The following GRIN2A variants were observed in gnomAD, a reference collection of about 807,000 sequenced individuals.
GRIN2A encodes the protein glutamate ionotropic receptor NMDA type subunit 2A, also known as glutamate receptor ionotropic, NMDA 2A.
GRIN2A carries 22 observed loss-of-function variants against 113.4 expected under a neutral mutation model. The observed-to-expected ratio is 0.19, with a 90% CI of 0.14 to 0.28. The LOEUF (loss-of-function observed/expected upper bound fraction) is 0.28. Ranked by LOEUF, GRIN2A falls within the 10% of genes least tolerant of loss-of-function variation. The pLI is 1.00. For missense variants in GRIN2A, 1,502 were observed against 1,887.0 expected (o/e 0.80, Z 3.78); for synonymous variants, 827 against 738.4 (o/e 1.12, Z -1.94).
intron 10 of GRIN2A, among the ~76,000 whole-genome samples, chr16:9,810,997 C>T (rs1237965789): frequency 6.6e-6 from 1 of 152,126 alleles, no homozygotes; most frequent in East Asian, 1.9e-4. Flanking sequence ...TGAGTGAGCC[C>T]AGTGCCAGGA....
chr16:10,115,457 A>T (rs1168321376), intron 2 of GRIN2A, among the ~76,000 whole-genome samples: 1 of 152,110 alleles, frequency 6.6e-6, no homozygotes, highest in African/African-American at 2.4e-5. Flanking sequence ...GATGCCAGAA[A>T]CCTATCTGGA....
intron 2 of GRIN2A, among the ~76,000 whole-genome samples, chr16:10,140,010 C>A (rs922325651): frequency 6.6e-6 from 1 of 152,088 alleles, no homozygotes; most frequent in Non-Finnish European, 1.5e-5. Flanking sequence ...GAATCTATAG[C>A]CCTGCTGAAC....
At chr16:9,988,661 AC>A (rs1182075397) in intron 2 of GRIN2A, among the ~76,000 whole-genome samples, 4 of 152,178 alleles carry the variant, frequency 2.6e-5, no homozygotes, top group African/African-American at 9.7e-5. Flanking sequence ...TATCATCTTC[AC>A]AACAACCCTC....
intron 10 of GRIN2A, among the ~76,000 whole-genome samples, chr16:9,799,309 C>T (rs914338628): frequency 6.6e-6 from 1 of 152,162 alleles, no homozygotes; most frequent in Non-Finnish European, 1.5e-5. Flanking sequence ...GACATGCACA[C>T]AGGGAGAACG....
chr16:9,807,487 C>T (rs1247849623), intron 10 of GRIN2A, among the ~76,000 whole-genome samples: 1 of 151,834 alleles, frequency 6.6e-6, no homozygotes, highest in African/African-American at 2.4e-5. Context: ...GATGAATGTA[C>T]CCACTTTGTC....
At chr16:9,994,909 G>C (rs1357457807) in intron 2 of GRIN2A, among the ~76,000 whole-genome samples, 2 of 152,142 alleles carry the variant, frequency 1.3e-5, no homozygotes, top group Non-Finnish European at 2.9e-5. Flanking sequence ...ATTTCATCTG[G>C]TTTTAAGGGT....
intron 2 of GRIN2A, among the ~76,000 whole-genome samples, chr16:10,118,844 C>T (rs186207283): frequency 2.6e-4 from 40 of 152,286 alleles, no homozygotes; most frequent in Admixed American, 6.5e-4. Flanking sequence ...TCTACTTGAT[C>T]GGAAATCATC....
At chr16:9,983,760 C>T (rs531225189) in intron 2 of GRIN2A, among the ~76,000 whole-genome samples, 1 of 152,246 alleles carries the variant, frequency 6.6e-6, no homozygotes, top group East Asian at 1.9e-4. Flanking sequence ...ATTTTAATGG[C>T]TGAATAGTAT....
At chr16:10,058,241 T>A (rs2047488428) in intron 2 of GRIN2A, among the ~76,000 whole-genome samples, 1 of 150,366 alleles carries the variant, frequency 6.7e-6, no homozygotes, top group Non-Finnish European at 1.5e-5. Flanking sequence ...TGAAAAGAGC[T>A]AGACACTGTC....
intron 2 of GRIN2A, among the ~76,000 whole-genome samples, chr16:10,101,341 T>C (rs543589142): frequency 5.4e-4 from 83 of 152,326 alleles, no homozygotes; most frequent in Admixed American, 7.2e-4. Flanking sequence ...CTGGCTCACC[T>C]TGGAGAGAAC....
At chr16:10,045,510 G>A (rs1353029546) in intron 2 of GRIN2A, among the ~76,000 whole-genome samples, 1 of 152,134 alleles carries the variant, frequency 6.6e-6, no homozygotes, top group East Asian at 1.9e-4. Flanking sequence ...GTGGGACACA[G>A]CTTCACCATC....
intron 2 of GRIN2A, among the ~76,000 whole-genome samples, chr16:9,941,425 G>A (rs1358420084): frequency 2.0e-5 from 3 of 152,326 alleles, no homozygotes; most frequent in East Asian, 3.9e-4. Flanking sequence ...AAAGATAATT[G>A]GAGGGACAGC....
Position 10,031,009 on chromosome 16 carries a change from A to G in GRIN2A, c.415-92458T>C, listed in dbSNP as rs576500933. ...TGGCTGCTGACTTGTTAAAAATACT[A>G]CTATCATGAGGCCAGGGAGAAATCT... On this transcript the variant is annotated intron_variant, in intron 2 of 12. Coordinates refer to ENST00000330684, the MANE Select transcript of GRIN2A (RefSeq NM_001134407.3). 6.6e-5 allele frequency among the ~76,000 whole-genome samples: 10 copies of G among 152,282 alleles called. No homozygotes were observed. In the East Asian group the frequency reaches 1.9e-3, roughly 29 times the overall value.
intron 2 of GRIN2A, among the ~76,000 whole-genome samples, chr16:10,070,640 A>T (rs1404199117): frequency 6.6e-6 from 1 of 151,922 alleles, no homozygotes; most frequent in Non-Finnish European, 1.5e-5. Context: ...TTCTCTGAGC[A>T]CTCCTCTCAT....
At chr16:10,176,523 A>T (rs2050151292) in intron 2 of GRIN2A, among the ~76,000 whole-genome samples, 2 of 152,202 alleles carry the variant, frequency 1.3e-5, no homozygotes, top group South Asian at 4.1e-4. Context: ...GCAGCCATAA[A>T]AAAGGATGAG....
At chr16:10,098,937 C>A (rs1340198298) in intron 2 of GRIN2A, among the ~76,000 whole-genome samples, 1 of 126,398 alleles carries the variant, frequency 7.9e-6, no homozygotes, top group African/African-American at 2.7e-5. Context: ...CCCCCCTCCC[C>A]CCCCCAAAAA....
chr16:9,983,854 A>G (rs962564183), intron 2 of GRIN2A, among the ~76,000 whole-genome samples: 3 of 152,226 alleles, frequency 2.0e-5, no homozygotes, highest in African/African-American at 7.2e-5. Flanking sequence ...ATAGTGCTGC[A>G]ATAAACATGG....
At chr16:9,992,117 G>A (rs910778271) in intron 2 of GRIN2A, among the ~76,000 whole-genome samples, 31 of 152,042 alleles carry the variant, frequency 2.0e-4, no homozygotes, top group South Asian at 8.3e-4. Context: ...ATGTTGCTTC[G>A]AAAGACATGA....
rs376142102 is a variant in GRIN2A, at chr16:10,112,835, C to T, written c.414+67163G>A. Reference sequence around the variant, plus strand: ...AGAAGTGGACCATGTCAGCCCAGATCGAGGGTGGCGTCCATGGCCTGCACG... The same window carrying T: ...AGAAGTGGACCATGTCAGCCCAGATTGAGGGTGGCGTCCATGGCCTGCACG... On this transcript the variant is annotated intron_variant, in intron 2 of 12. Coordinates refer to ENST00000330684, the MANE Select transcript of GRIN2A (RefSeq NM_001134407.3). 4.0e-5 allele frequency: 24 copies of T among 606,752 alleles called. No individual in the cohort carries two copies. In the East Asian group the frequency reaches 5.1e-4, roughly 13 times the overall value. The allele number at this position is 606,752 out of a possible 1,614,324, so 37.6% of individuals were successfully genotyped here. A position where few individuals can be genotyped will look rare whatever the true frequency, so the allele number is the denominator to read the frequency against.
Sources: allele counts gnomAD v4.1 joint callset (sites outside exome capture counted in the v4.1 genomes callset), GRCh38; gene constraint gnomAD v4.1.1; transcripts MANE v1.5; gene names NCBI Gene and HGNC (gene_info 2026-07-23, HGNC 2026-07-21).